Variants in PSG5 observed in about 807,000 individuals in gnomAD.
PSG5 encodes pregnancy specific beta-1-glycoprotein 5, also known as pregnancy-specific beta-1-glycoprotein 5.
In PSG5, 53 loss-of-function variants were observed where a neutral mutation model predicts 37.7. The observed-to-expected ratio is 1.41, with a 90% CI of 1.13 to 1.77. PSG5 has a LOEUF of 1.77. Ranked by LOEUF, PSG5 falls within the 40% of genes most tolerant of loss-of-function variation. The pLI is 0.00. For synonymous variants in PSG5, 221 were observed against 155.4 expected (o/e 1.42, Z -3.14); for missense variants, 547 against 405.2 (o/e 1.35, Z -3.00).
Position 43,170,074 on chromosome 19 carries a change from A to G in PSG5, c.*21T>C, listed in dbSNP as rs753039392. ...TCATACCTGCCAGTCTTCCTGAAAT[A>G]CAGAAATGACTTCACGGCTGCTATA... On this transcript the variant is annotated 3_prime_UTR_variant, in exon 5 of 6. Coordinates refer to ENST00000342951, the MANE Select transcript of PSG5 (RefSeq NM_002781.4). The G allele has an allele frequency of 4.5e-6, 7 of 1,561,460 alleles. No homozygotes were observed. In the Admixed American group the frequency reaches 1.0e-4, roughly 23 times the overall value.
Position 43,176,047 on chromosome 19 carries a change from A to G in PSG5, c.532T>C (p.Tyr178His). 1 of 1,611,106 alleles carries G rather than the reference A, an allele frequency of 6.2e-7. No homozygotes were observed. Among genetic ancestry groups the G allele is most frequent in the African/African-American group, 1.3e-5 (1 of 74,556 alleles). Residue 178 changes from tyrosine to histidine, a missense_variant, in exon 3 of 6, where the codon TAC becomes CAC. Tyr to His is a moderately conservative substitution (Grantham distance 83, BLOSUM62 2). Transcript: ENST00000342951. ...CTCTGACCATTTAGCCACCAAATGTAGGTGTAGTTCTCACTCTTAGGTTCA... is the reference window on the plus strand; with the variant it reads ...CTCTGACCATTTAGCCACCAAATGTGGGTGTAGTTCTCACTCTTAGGTTCA... ...TCEPKSENYT[Y>H]IWWLNGQSLP... is the part of the protein sequence containing the mutation.
rs191629801 is a variant in PSG5, at chr19:43,178,080, A to G, written c.431-1932T>C. On this transcript the variant is annotated intron_variant, in intron 2 of 5. Coordinates refer to ENST00000342951, the MANE Select transcript of PSG5 (RefSeq NM_002781.4). ...AGAAAGAGTGAAGGGGAAAGGCAAA[A>G]GCTGGTGGTTTTGGAGCAGAAACAT... Among the ~76,000 whole-genome samples the G allele has an allele frequency of 1.6e-3, 237 of 151,690 alleles. 9 individuals are homozygous for G. Among genetic ancestry groups the G allele is most frequent in the African/African-American group, 5.5e-3 (227 of 41,264 alleles).
intron 1 of PSG5, among the ~76,000 whole-genome samples, chr19:43,185,800 T>C (rs1360764127): frequency 6.7e-6 from 1 of 149,388 alleles, no homozygotes; most frequent in Non-Finnish European, 1.5e-5. Flanking sequence ...CTGCTTATAC[T>C]TTTATTAGAA....
At chr19:43,178,982 G>C in intron 2 of PSG5, 1 of 1,612,768 alleles carries the variant, frequency 6.2e-7, no homozygotes. Flanking sequence ...CAAATATAAA[G>C]AGGGTCCTGT....
chr19:43,179,949 A>G (rs1467753689), intron 2 of PSG5, among the ~76,000 whole-genome samples: 4 of 151,784 alleles, frequency 2.6e-5, no homozygotes, highest in Non-Finnish European at 5.9e-5. Flanking sequence ...TCTTCTAGAA[A>G]TACATGTGGA....
intron 4 of PSG5, among the ~76,000 whole-genome samples, chr19:43,172,240 A>C (rs1032988409): frequency 6.6e-6 from 1 of 151,576 alleles, no homozygotes; most frequent in Non-Finnish European, 1.5e-5. Flanking sequence ...GAAGGAAACC[A>C]CCTCAACATA....
At chr19:43,181,223 C>G (rs914805518) in intron 2 of PSG5, among the ~76,000 whole-genome samples, 1 of 151,586 alleles carries the variant, frequency 6.6e-6, no homozygotes, top group Non-Finnish European at 1.5e-5. Flanking sequence ...ATTCACATTA[C>G]GTGTATCTGA....
chr19:43,184,469 G>A (rs1969199802), intron 2 of PSG5, among the ~76,000 whole-genome samples: 1 of 151,582 alleles, frequency 6.6e-6, no homozygotes, highest in Non-Finnish European at 1.5e-5. Context: ...CAGTTCTCCA[G>A]GGTCTTTCTC....
Position 43,178,986 on chromosome 19 carries a change from G to T in PSG5, c.431-2838C>A, listed in dbSNP as rs780134879. The T allele has an allele frequency of 6.3e-5, 102 of 1,612,618 alleles. 2 individuals are homozygous for T. Among genetic ancestry groups the T allele is most frequent in the Non-Finnish European group, 8.5e-5 (100 of 1,179,264 alleles). On this transcript the variant is annotated intron_variant, in intron 2 of 5. Transcript: ENST00000342951. ...CTTTGTGACACCAAATATAAAGAGG[G>T]TCCTGTTGGTTTTGGACAGCTGCAA... is the stretch of plus-strand genomic sequence containing the variant.
At chr19:43,168,664 GC>G (rs1439124517) in intron 5 of PSG5, among the ~76,000 whole-genome samples, 11 of 151,690 alleles carry the variant, frequency 7.3e-5, no homozygotes, top group Admixed American at 7.2e-4. Context: ...GAGCCATCGC[GC>G]CCAGCGTAGA....
chr19:43,175,337 T>G lies in PSG5; in HGVS notation c.842A>C (p.Gln281Pro), dbSNP rs180895152. Residue 281 changes from glutamine (Q) to proline (P), a missense_variant, in exon 4 of 6, where the codon CAA becomes CCA. Coordinates refer to ENST00000342951, the MANE Select transcript of PSG5 (RefSeq NM_002781.4). Reference protein sequence around the residue: ...YFWTINGKFQQSGQKLSIPQI... With the variant: ...YFWTINGKFQPSGQKLSIPQI... ...GGGGATAGAGAGCTTTTGTCCTGAT[T>G]GCTGAAACTTCCCATTAATTGTCCA... is the stretch of plus-strand genomic sequence containing the variant. The G allele has an allele frequency of 1.2e-6, 2 of 1,612,826 alleles. No homozygotes were observed. Among genetic ancestry groups the G allele is most frequent in the East Asian group, 2.2e-5 (1 of 44,878 alleles).
Position 43,185,128 on chromosome 19 carries a change from C to A in PSG5, c.84G>T (p.Trp28Cys), listed in dbSNP as rs141336497. Residue 28 changes from tryptophan (W) to cysteine (C), a missense_variant, in exon 2 of 6, where the codon TGG becomes TGT. By Grantham distance (215) the Trp-to-Cys change is radical (BLOSUM62 -2). Transcript: ENST00000342951. ...LLLTASLLNF[W>C]NLPITAQVTI... ...TGACTTGAGCAGTGATAGGCAGGTT[C>A]CAGAAGTTTAAAAGTGATGCTAGGA... is the stretch of plus-strand genomic sequence containing the variant. The A allele has an allele frequency of 6.2e-7, 1 of 1,607,194 alleles. No individual in the cohort carries two copies. The highest frequency in any genetic ancestry group is 8.5e-7 in the Non-Finnish European group (1 of 1,176,202).
intron 2 of PSG5, among the ~76,000 whole-genome samples, chr19:43,178,230 G>A (rs372897924): frequency 6.6e-6 from 1 of 151,660 alleles, no homozygotes; most frequent in South Asian, 2.1e-4. Context: ...ACTTACCAGG[G>A]ACTATGATCC....
intron 4 of PSG5, chr19:43,171,363 T>C (rs1968901988): frequency 6.6e-6 from 1 of 152,270 alleles, no homozygotes; most frequent in Non-Finnish European, 1.5e-5. Flanking sequence ...GAATCAGAGG[T>C]TCAGAGAAGT....
intron 4 of PSG5, among the ~76,000 whole-genome samples, chr19:43,172,448 C>A (rs374562499): frequency 7.3e-5 from 11 of 151,608 alleles, no homozygotes; most frequent in South Asian, 4.2e-4. Flanking sequence ...GAGTAAAATT[C>A]TTTCTGTTTA....
rs1568377252 is a variant in PSG5, at chr19:43,185,167, C to T, written c.65-20G>A. On this transcript the variant is annotated intron_variant, in intron 1 of 5. Transcript: ENST00000342951. ...GTGATGCTAGGAGGTGGAGAAAGCA[C>T]CAGTCAATATTGAGACCTGTGTATT... 1.3e-6 allele frequency: 2 copies of T among 1,582,962 alleles called. No individual in the cohort carries two copies. The highest frequency in any genetic ancestry group is 1.2e-5 in the South Asian group (1 of 84,656).
chr19:43,186,496 C>T lies in PSG5; in HGVS notation c.-91G>A. On this transcript the variant is annotated 5_prime_UTR_variant, in exon 1 of 6. Coordinates refer to ENST00000342951, the MANE Select transcript of PSG5 (RefSeq NM_002781.4). ...GGCTGTAGGCTGTGCTGTCCTTCCTCCTTCTGTGCTGAGCCTCTCTCCAGG... is the reference window on the plus strand; with the variant it reads ...GGCTGTAGGCTGTGCTGTCCTTCCTTCTTCTGTGCTGAGCCTCTCTCCAGG... 1 of 1,575,718 alleles carries T rather than the reference C, an allele frequency of 6.3e-7. No individual in the cohort carries two copies. Among genetic ancestry groups the T allele is most frequent in the Non-Finnish European group, 8.6e-7 (1 of 1,158,272 alleles).
chr19:43,183,483 A>T (rs1175220361), intron 2 of PSG5: 1 of 528,858 alleles, frequency 1.9e-6, no homozygotes, highest in Non-Finnish European at 3.9e-6. Context: ...TGAGTGGGGA[A>T]AGAAAACAAA....
intron 2 of PSG5, among the ~76,000 whole-genome samples, chr19:43,182,199 C>G (rs1428438296): frequency 2.0e-5 from 3 of 151,778 alleles, no homozygotes; most frequent in East Asian, 1.9e-4. Flanking sequence ...CAGGGATGGC[C>G]TTTGTCAAAC....
Sources: allele counts gnomAD v4.1 joint callset (sites outside exome capture counted in the v4.1 genomes callset), GRCh38; gene constraint gnomAD v4.1.1; transcripts MANE v1.5; gene names NCBI Gene and HGNC (gene_info 2026-07-23, HGNC 2026-07-21).